PLEK2: variants seen among roughly 807,000 people sequenced by gnomAD.
PLEK2 encodes pleckstrin-2.
Under a neutral mutation model 43.8 loss-of-function variants are expected in PLEK2, and 29 were observed. The ratio of observed to expected loss-of-function variants is 0.66; its 90% CI spans 0.49 to 0.90. The LOEUF (loss-of-function observed/expected upper bound fraction) is 0.90, where lower values mean the gene tolerates loss of function less well. Ranked by LOEUF, PLEK2 falls within the 40% of genes least tolerant of loss-of-function variation. The probability of loss-of-function intolerance (pLI) is 0.00; values close to 1 mark genes in which losing one functional copy is unlikely to be tolerated. For missense variants in PLEK2, 398 were observed against 448.1 expected (o/e 0.89, Z 1.01); for synonymous variants, 162 against 173.2 (o/e 0.94, Z 0.51).
Position 67,392,938 on chromosome 14 carries a change from T to C in PLEK2, c.482-89A>G. ...AATGACCTCACTGACCTTGGCCCTCTGGGCAGCCTCAGGGCTCTACGCAAG... is the reference window on the plus strand; with the variant it reads ...AATGACCTCACTGACCTTGGCCCTCCGGGCAGCCTCAGGGCTCTACGCAAG... On this transcript the variant is annotated intron_variant, in intron 4 of 8. Transcript: ENST00000216446. 3 of 1,155,594 alleles carry C rather than the reference T, an allele frequency of 2.6e-6. No homozygotes were observed. In the East Asian group the frequency reaches 7.4e-5, roughly 29 times the overall value. The allele number at this position is 1,155,594 out of a possible 1,614,324, so 71.6% of individuals were successfully genotyped here. A position where few individuals can be genotyped will look rare whatever the true frequency, so the allele number is the denominator to read the frequency against.
chr14:67,399,728 G>C (rs111481653), intron 1 of PLEK2, among the ~76,000 whole-genome samples: 1 of 121,456 alleles, frequency 8.2e-6, no homozygotes, highest in African/African-American at 4.1e-5. Context: ...GTTTAGGTGG[G>C]TCTCAGGTGG....
At chr14:67,388,782 C>T (rs774077885) in intron 7 of PLEK2, among the ~76,000 whole-genome samples, 4 of 152,082 alleles carry the variant, frequency 2.6e-5, no homozygotes, top group Non-Finnish European at 4.4e-5. Context: ...CAGGTTCAAG[C>T]GATTCTCCTG....
At chr14:67,396,981 C>A (rs2086015300) in intron 2 of PLEK2, among the ~76,000 whole-genome samples, 1 of 151,906 alleles carries the variant, frequency 6.6e-6, no homozygotes, top group Admixed American at 6.6e-5. Context: ...TTCTGTCACC[C>A]AGGCTGGAGT....
chr14:67,411,513 C>A (rs1172707478), intron 1 of PLEK2, among the ~76,000 whole-genome samples: 1 of 152,088 alleles, frequency 6.6e-6, no homozygotes. Context: ...CTGCCTTCAC[C>A]GCCCCGAGCA....
chr14:67,397,609 G>C, intron 2 of PLEK2, 53 bp downstream of exon 2: 1 of 1,481,408 alleles, frequency 6.8e-7, no homozygotes, highest in Non-Finnish European at 9.2e-7. Context: ...AGAGGCCAGA[G>C]GTGGGAAGGC....
chr14:67,405,657 T>C (rs755442314), intron 1 of PLEK2, among the ~76,000 whole-genome samples: 2 of 152,220 alleles, frequency 1.3e-5, no homozygotes, highest in Non-Finnish European at 2.9e-5. Flanking sequence ...ATAAAGGTCT[T>C]CTGAGGCTTC....
chr14:67,392,183 T>A, intron 6 of PLEK2, 143 bp downstream of exon 6: 1 of 648,148 alleles, frequency 1.5e-6, no homozygotes, highest in African/African-American at 1.8e-5. Context: ...TCCTGGAGGC[T>A]GGTGCTGGGC....
chr14:67,397,530 C>T, intron 2 of PLEK2, 132 bp downstream of exon 2: 2 of 710,132 alleles, frequency 2.8e-6, no homozygotes, highest in Non-Finnish European at 2.3e-6. Context: ...TGTGGCGGAG[C>T]CAGGATTTGA....
chr14:67,401,995 G>C (rs986521734), intron 1 of PLEK2, among the ~76,000 whole-genome samples: 18 of 152,134 alleles, frequency 1.2e-4, no homozygotes, highest in African/African-American at 4.3e-4. Flanking sequence ...GCTGGGCATG[G>C]TGGCACATGC....
chr14:67,393,079 G>A, intron 4 of PLEK2, 71 bp downstream of exon 4: 3 of 1,221,566 alleles, frequency 2.5e-6, no homozygotes, highest in Non-Finnish European at 2.4e-6. Flanking sequence ...GGGCGGTCAA[G>A]CACACAGCTG....
rs1470926489 is a variant in PLEK2, at chr14:67,412,093, C to G, written c.-34G>C. 3.4e-6 allele frequency: 5 copies of G among 1,489,256 alleles called. No individual in the cohort carries two copies. Among genetic ancestry groups the G allele is most frequent in the African/African-American group, 1.5e-5 (1 of 68,392 alleles). 92.3% of individuals were successfully genotyped at this position (1,489,256 alleles called of 1,614,324 possible). A position where few individuals can be genotyped will look rare whatever the true frequency, so the allele number is the denominator to read the frequency against. ...CCGCACGCCAGGGCCACCCCAGGTG[C>G]GCCTTCCCCGCGCCTCGCGCTCCTC... On this transcript the variant is annotated 5_prime_UTR_variant, in exon 1 of 9. Transcript: ENST00000216446.
intron 1 of PLEK2, among the ~76,000 whole-genome samples, chr14:67,411,530 C>G (rs1262349288): frequency 6.6e-6 from 1 of 152,112 alleles, no homozygotes. Context: ...AGCAAGTTCC[C>G]TAACTCCTCT....
rs551293771 is a variant in PLEK2 at position 67,395,561 on chromosome 14, T to C, written c.230A>G (p.Gln77Arg). ...NRPLLIKLKTQTSTEYFLEAC... is the reference protein window; with the variant it reads ...NRPLLIKLKTRTSTEYFLEAC... ...CTCCAGGAAGTACTCCGTGGATGTT[T>C]GAGTCTTCAGCTTAATGAGGAGCTG... Residue 77 changes from glutamine to arginine, a missense_variant, in exon 3 of 9, where the codon CAA (glutamine) becomes CGA (arginine). Physicochemically the swap from Gln to Arg is conservative, Grantham distance 43. Coordinates refer to ENST00000216446, the MANE Select transcript of PLEK2 (RefSeq NM_016445.3). The C allele has an allele frequency of 6.2e-7, 1 of 1,614,108 alleles. No individual in the cohort carries two copies. Among genetic ancestry groups the C allele is most frequent in the South Asian group, 1.1e-5 (1 of 91,070 alleles).
At chr14:67,397,995 T>C in intron 1 of PLEK2, 169 bp from the exon 2 acceptor site, 1 of 463,950 alleles carries the variant, frequency 2.2e-6, no homozygotes, top group Non-Finnish European at 3.8e-6. Flanking sequence ...AGCAAAGACC[T>C]TTGGCACTGA....
At position 67,395,472 on chromosome 14, in the gene PLEK2, G is replaced by A. The variant is rs2086000559; in HGVS notation, c.319C>T (p.Gln107Ter). The change falls in exon 3 of 9, where the codon CAG (glutamine) becomes TAG (stop). Residue 107 changes from glutamine to a stop codon, truncating the protein, a stop_gained. Transcript: ENST00000216446. LOFTEE classifies it high-confidence loss of function. Reference sequence around the variant, plus strand: ...TGCAGCTGCTGGACCTTCCCCGGCTGCCCTGCATGAATAGCCCCGGTGATC... The same window carrying A: ...TGCAGCTGCTGGACCTTCCCCGGCTACCCTGCATGAATAGCCCCGGTGATC... ...FEITGAIHAG[Q>*]PGKVQQLHSL... The A allele has an allele frequency of 6.2e-7, 1 of 1,613,926 alleles. No individual in the cohort carries two copies. The highest frequency in any genetic ancestry group is 8.5e-7 in the Non-Finnish European group (1 of 1,179,940).
chr14:67,403,123 G>T (rs1006074593), intron 1 of PLEK2, among the ~76,000 whole-genome samples: 6 of 152,192 alleles, frequency 3.9e-5, no homozygotes, highest in African/African-American at 1.4e-4. Context: ...TTTAACTGGG[G>T]TGAGATGATA....
intron 1 of PLEK2, among the ~76,000 whole-genome samples, chr14:67,400,194 T>G (rs533589419): frequency 6.6e-6 from 1 of 152,306 alleles, no homozygotes. Context: ...CAAACAGAAT[T>G]TACTGTGACA....
At chr14:67,403,179 T>G (rs549057877) in intron 1 of PLEK2, among the ~76,000 whole-genome samples, 1 of 152,360 alleles carries the variant, frequency 6.6e-6, no homozygotes, top group South Asian at 2.1e-4. Context: ...TCAATGGTGT[T>G]GAGCACTTTT....
chr14:67,390,538 C>CA, intron 7 of PLEK2, 125 bp downstream of exon 7: 1 of 751,952 alleles, frequency 1.3e-6, no homozygotes, highest in Non-Finnish European at 2.4e-6. Context: ...AGGCATGGTG[C>CA]AGCAGACTTT....
Sources: gnomAD v4.1 joint callset for allele counts (sites outside exome capture counted in the v4.1 genomes callset) on GRCh38, gnomAD v4.1.1 for gene constraint, MANE v1.5 for transcripts, NCBI Gene and HGNC (gene_info 2026-07-23, HGNC 2026-07-21) for gene names.